Variants in CHSY3 observed in about 807,000 individuals in gnomAD.
CHSY3 encodes the protein chondroitin sulfate synthase 3, also known as N-acetylgalactosaminyl-proteoglycan 3-beta-glucuronosyltransferase 3.
CHSY3 carries 35 observed loss-of-function variants against 67.2 expected under a neutral mutation model. That is an observed-to-expected ratio of 0.52 (90% CI 0.40 to 0.69). The LOEUF (loss-of-function observed/expected upper bound fraction) is 0.69, where lower values mean the gene tolerates loss of function less well. Ranked by LOEUF, CHSY3 falls within the 30% of genes least tolerant of loss-of-function variation. The probability of loss-of-function intolerance (pLI) is 0.00; values close to 1 mark genes in which losing one functional copy is unlikely to be tolerated. For missense variants in CHSY3, 1,069 were observed against 1,138.5 expected (o/e 0.94, Z 0.88); for synonymous variants, 474 against 434.7 (o/e 1.09, Z -1.12).
Position 129,905,304 on chromosome 5 carries a change from G to A in CHSY3, c.475G>A (p.Asp159Asn), listed in dbSNP as rs1343095506. Residue 159 changes from aspartate (D) to asparagine (N), a missense_variant, in exon 1 of 3, where the codon GAC (aspartate) becomes AAC (asparagine). By Grantham distance (23) the Asp-to-Asn change is conservative. Transcript: ENST00000305031. Reference protein sequence around the residue: ...RPGSSHNGSGDGGAAAPSARP... With the variant: ...RPGSSHNGSGNGGAAAPSARP... Reference sequence around the variant, plus strand: ...GGGGAGTAGCCACAACGGCAGCGGGGACGGGGGCGCTGCCGCCCCGAGCGC... The same window carrying A: ...GGGGAGTAGCCACAACGGCAGCGGGAACGGGGGCGCTGCCGCCCCGAGCGC... 30 of 1,500,238 alleles carry A rather than the reference G, an allele frequency of 2.0e-5. No individual in the cohort carries two copies. The highest frequency in any genetic ancestry group is 2.6e-5 in the Non-Finnish European group (29 of 1,129,886). The allele number at this position is 1,500,238 out of a possible 1,614,324, so 92.9% of individuals were successfully genotyped here.
intron 2 of CHSY3, among the ~76,000 whole-genome samples, chr5:130,180,964 C>A (rs201139611): frequency 6.6e-6 from 1 of 152,160 alleles, no homozygotes; most frequent in Admixed American, 6.5e-5. Context: ...AAGTTTAATG[C>A]GGTAGAAGAG....
At chr5:130,080,075 A>AACAC (rs1466788521) in intron 2 of CHSY3, among the ~76,000 whole-genome samples, 1 of 139,864 alleles carries the variant, frequency 7.1e-6, no homozygotes, top group African/African-American at 2.6e-5. Flanking sequence ...CACACAGAAA[A>AACAC]ACACACATAC....
Position 130,104,192 on chromosome 5 carries a change from C to CA in CHSY3, c.1087-80029dup, listed in dbSNP as rs373477274. Reference sequence around the variant, plus strand: ...GCAGAAGCACAGAGTTATAACAAAACAAAAAAAATTGATTATTCACAATAA... The same window carrying CA: ...GCAGAAGCACAGAGTTATAACAAAACAAAAAAAAATTGATTATTCACAATAA... On this transcript the variant is annotated intron_variant, in intron 2 of 2. Transcript: ENST00000305031. 4.8e-3 allele frequency among the ~76,000 whole-genome samples: 723 copies of CA among 151,156 alleles called. 6 individuals are homozygous for CA. The highest frequency in any genetic ancestry group is 7.2e-3 in the Non-Finnish European group (483 of 67,540).
chr5:129,922,376 G>A (rs879878948), intron 2 of CHSY3, among the ~76,000 whole-genome samples: 1 of 152,174 alleles, frequency 6.6e-6, no homozygotes, highest in Non-Finnish European at 1.5e-5. Context: ...TGGAACATGT[G>A]GTAGTTCTAT....
Position 129,905,102 on chromosome 5 carries a change from A to G in CHSY3, c.273A>G (p.Ala91=). 6.5e-7 allele frequency: 1 copy of G among 1,540,750 alleles called. No individual in the cohort carries two copies. Among genetic ancestry groups the G allele is most frequent in the Non-Finnish European group, 8.7e-7 (1 of 1,149,352 alleles). The change falls in exon 1 of 3, where the codon GCA becomes GCG. Residue 91 remains alanine, a synonymous_variant. Coordinates refer to ENST00000305031, the MANE Select transcript of CHSY3 (RefSeq NM_175856.5). The part of the protein sequence containing the change: ...QDLQGPPLPE[A]APGITSFRSS... ...TCCAGGGGCCACCGCTGCCCGAGGCAGCACCCGGGATCACCAGTTTTCGAA... is the reference window on the plus strand; with the variant it reads ...TCCAGGGGCCACCGCTGCCCGAGGCGGCACCCGGGATCACCAGTTTTCGAA...
chr5:130,155,250 A>G (rs1208731122), intron 2 of CHSY3, among the ~76,000 whole-genome samples: 1 of 152,214 alleles, frequency 6.6e-6, no homozygotes, highest in Non-Finnish European at 1.5e-5. Context: ...GGACCTTTAC[A>G]TATTTAGGAA....
chr5:130,113,589 G>A (rs1767665966), intron 2 of CHSY3, among the ~76,000 whole-genome samples: 2 of 152,154 alleles, frequency 1.3e-5, no homozygotes, highest in Admixed American at 1.3e-4. Context: ...GCACAGAGTA[G>A]GGGTCTGCTG....
At chr5:129,933,270 A>G (rs1258301351) in intron 2 of CHSY3, among the ~76,000 whole-genome samples, 1 of 152,066 alleles carries the variant, frequency 6.6e-6, no homozygotes, top group Non-Finnish European at 1.5e-5. Context: ...ATTAAAAGTA[A>G]AATTCTGTGG....
At chr5:130,115,570 G>A (rs1006996005) in intron 2 of CHSY3, among the ~76,000 whole-genome samples, 1 of 152,060 alleles carries the variant, frequency 6.6e-6, no homozygotes, top group Admixed American at 6.6e-5. Context: ...CTCTTTAAAT[G>A]TATTTATTAA....
chr5:130,101,747 G>T (rs1767253360), intron 2 of CHSY3, among the ~76,000 whole-genome samples: 1 of 152,020 alleles, frequency 6.6e-6, no homozygotes, highest in South Asian at 2.1e-4. Flanking sequence ...TGTATGTCAT[G>T]ATATCATAAA....
At chr5:130,075,119 G>A (rs546816540) in intron 2 of CHSY3, among the ~76,000 whole-genome samples, 3 of 152,214 alleles carry the variant, frequency 2.0e-5, no homozygotes, top group African/African-American at 7.2e-5. Flanking sequence ...TCCAAGAACA[G>A]AGAAGGGCCA....
intron 2 of CHSY3, among the ~76,000 whole-genome samples, chr5:130,168,113 C>G (rs990335953): frequency 2.0e-5 from 3 of 152,088 alleles, no homozygotes; most frequent in South Asian, 2.1e-4. Flanking sequence ...CTAACTCCAC[C>G]ACTTTAAAAT....
chr5:130,011,440 C>T (rs1224916326), intron 2 of CHSY3, among the ~76,000 whole-genome samples: 3 of 152,102 alleles, frequency 2.0e-5, no homozygotes, highest in East Asian at 3.9e-4. Flanking sequence ...ATGTTAAAAA[C>T]CCTCAGCAAA....
chr5:129,921,932 G>T (rs999459454), intron 2 of CHSY3, among the ~76,000 whole-genome samples: 4 of 151,902 alleles, frequency 2.6e-5, no homozygotes, highest in African/African-American at 7.3e-5. Flanking sequence ...CCAAATACTA[G>T]ATCTTACTCA....
chr5:130,161,996 T>C lies in CHSY3; in HGVS notation c.1087-22233T>C, dbSNP rs182512552. On this transcript the variant is annotated intron_variant, in intron 2 of 2. Transcript: ENST00000305031. Reference sequence around the variant, plus strand: ...TTGAGGCTGCAGTGAGCCAAGATTGTGCCATTTCACTGCAGCCTGGGCAAC... The same window carrying C: ...TTGAGGCTGCAGTGAGCCAAGATTGCGCCATTTCACTGCAGCCTGGGCAAC... Among the ~76,000 whole-genome samples the C allele has an allele frequency of 4.4e-3, 603 of 137,128 alleles. 8 individuals carry two copies. Among genetic ancestry groups the C allele is most frequent in the South Asian group, 0.038 (169 of 4,474 alleles). 90.0% of individuals were successfully genotyped at this position (137,128 alleles called of 152,430 possible). A position where few individuals can be genotyped will look rare whatever the true frequency, so the allele number is the denominator to read the frequency against.
At chr5:130,014,808 A>C (rs1764170510) in intron 2 of CHSY3, among the ~76,000 whole-genome samples, 1 of 152,218 alleles carries the variant, frequency 6.6e-6, no homozygotes. Flanking sequence ...CAAAAATTTC[A>C]TGACAAAGAC....
chr5:130,138,254 G>A (rs1322294994), intron 2 of CHSY3, among the ~76,000 whole-genome samples: 2 of 152,182 alleles, frequency 1.3e-5, no homozygotes, highest in Non-Finnish European at 2.9e-5. Context: ...GCCAGCACCA[G>A]GAGCCAGGAC....
chr5:130,125,357 C>T (rs983202040), intron 2 of CHSY3, among the ~76,000 whole-genome samples: 4 of 152,040 alleles, frequency 2.6e-5, no homozygotes, highest in African/African-American at 9.7e-5. Context: ...ATTGAGGCTG[C>T]AGCGAGCTGT....
At chr5:130,149,467 T>G (rs1199987910) in intron 2 of CHSY3, among the ~76,000 whole-genome samples, 1 of 152,052 alleles carries the variant, frequency 6.6e-6, no homozygotes, top group East Asian at 1.9e-4. Flanking sequence ...CCACACACTT[T>G]AAAAGACCAG....
Sources: allele counts gnomAD v4.1 joint callset (sites outside exome capture counted in the v4.1 genomes callset), GRCh38; gene constraint gnomAD v4.1.1; transcripts MANE v1.5; gene names NCBI Gene and HGNC (gene_info 2026-07-23, HGNC 2026-07-21).